EMCN: variants seen among roughly 807,000 people sequenced by gnomAD.
EMCN encodes endomucin.
Under a neutral mutation model 38.4 loss-of-function variants are expected in EMCN, and 37 were observed. That is an observed-to-expected ratio of 0.96 (90% CI 0.74 to 1.27). The LOEUF is 1.27. Among genes scored for constraint, EMCN ranks in the 50% most tolerant of loss-of-function variants. The pLI, the probability that EMCN is intolerant of heterozygous loss-of-function variation, is 0.00. For synonymous variants in EMCN, 95 were observed against 100.8 expected (o/e 0.94, Z 0.35); for missense variants, 318 against 302.8 (o/e 1.05, Z -0.37).
intron 1 of EMCN, among the ~76,000 whole-genome samples, chr4:100,503,450 C>T (rs1729401291): frequency 1.3e-5 from 2 of 152,116 alleles, no homozygotes; most frequent in South Asian, 4.1e-4. Context: ...TCACTTGTTT[C>T]TGCTCTCTTG....
At chr4:100,515,135 A>T (rs1729720562) in intron 1 of EMCN, among the ~76,000 whole-genome samples, 1 of 152,162 alleles carries the variant, frequency 6.6e-6, no homozygotes, top group Non-Finnish European at 1.5e-5. Flanking sequence ...GAATGCCTAC[A>T]ACATTTTAAT....
At chr4:100,415,761 T>C (rs947906139) in intron 10 of EMCN, 137 bp downstream of exon 10, 11 of 584,774 alleles carry the variant, frequency 1.9e-5, no homozygotes, top group Non-Finnish European at 3.0e-5. Flanking sequence ...TGGGAGAATT[T>C]TACACTTATT....
intron 5 of EMCN, among the ~76,000 whole-genome samples, chr4:100,426,446 C>T (rs1727048360): frequency 6.6e-6 from 1 of 152,160 alleles, no homozygotes; most frequent in Non-Finnish European, 1.5e-5. Flanking sequence ...CCCGTTCTCT[C>T]TCCCTATCAC....
At chr4:100,431,360 G>A (rs866643526) in intron 5 of EMCN, among the ~76,000 whole-genome samples, 3 of 152,306 alleles carry the variant, frequency 2.0e-5, no homozygotes, top group Middle Eastern at 3.4e-3. Flanking sequence ...TGTTGTGAGT[G>A]TGTCTGTTAG....
intron 11 of EMCN, among the ~76,000 whole-genome samples, chr4:100,399,722 G>A (rs941655108): frequency 5.9e-5 from 9 of 152,032 alleles, no homozygotes; most frequent in African/African-American, 2.2e-4. Flanking sequence ...AAGGTCAAGT[G>A]AGGGGTTCCT....
At chr4:100,479,268 T>A (rs71614659) in intron 2 of EMCN, among the ~76,000 whole-genome samples, 10,603 of 143,806 alleles carry the variant, frequency 0.074, 489 homozygotes, top group Non-Finnish European at 0.11. Context: ...AATCCACAAA[T>A]CTGTTTTCCA....
intron 10 of EMCN, among the ~76,000 whole-genome samples, chr4:100,411,601 A>G (rs7660905): frequency 0.046 from 7,023 of 152,208 alleles, 571 homozygotes; most frequent in African/African-American, 0.16. Context: ...AAAAAAATCC[A>G]GAGGGAAATA....
intron 4 of EMCN, among the ~76,000 whole-genome samples, chr4:100,449,702 A>G (rs936172297): frequency 1.2e-4 from 18 of 152,060 alleles, no homozygotes; most frequent in African/African-American, 4.3e-4. Context: ...GCCTTCAAAA[A>G]TGTGTAATAA....
chr4:100,448,749 C>T (rs1161204244), intron 4 of EMCN, among the ~76,000 whole-genome samples: 2 of 151,496 alleles, frequency 1.3e-5, no homozygotes, highest in Non-Finnish European at 1.5e-5. Flanking sequence ...CACCTCGTGG[C>T]TTTGCTGTGG....
intron 2 of EMCN, among the ~76,000 whole-genome samples, chr4:100,477,592 A>G (rs1728695653): frequency 6.6e-6 from 1 of 152,240 alleles, no homozygotes; most frequent in South Asian, 2.1e-4. Context: ...AATAAATTGT[A>G]TGTGATTTAG....
chr4:100,408,621 C>G (rs1437875180), intron 11 of EMCN, among the ~76,000 whole-genome samples: 2 of 152,168 alleles, frequency 1.3e-5, no homozygotes, highest in East Asian at 1.9e-4. Context: ...CATGCTTCCC[C>G]TCAGTGCTCT....
At chr4:100,418,491 TA>T (rs1360554631) in intron 8 of EMCN, among the ~76,000 whole-genome samples, 1 of 152,098 alleles carries the variant, frequency 6.6e-6, no homozygotes, top group African/African-American at 2.4e-5. Context: ...TACTAGGTTT[TA>T]CCCATACTTC....
intron 1 of EMCN, among the ~76,000 whole-genome samples, chr4:100,508,680 T>A (rs1468077368): frequency 6.6e-6 from 1 of 152,114 alleles, no homozygotes; most frequent in Non-Finnish European, 1.5e-5. Context: ...TCTATCCTAG[T>A]GGGGGTGGGG....
intron 11 of EMCN, among the ~76,000 whole-genome samples, chr4:100,401,376 A>C (rs1726257114): frequency 6.6e-6 from 1 of 152,192 alleles, no homozygotes. Flanking sequence ...ATCTAGAGAT[A>C]GTTTAAAGTA....
At chr4:100,464,081 C>T (rs987117147) in intron 4 of EMCN, among the ~76,000 whole-genome samples, 1 of 151,736 alleles carries the variant, frequency 6.6e-6, no homozygotes, top group Admixed American at 6.6e-5. Context: ...TAATTTCTCA[C>T]CAAAATAGTT....
chr4:100,439,623 T>C (rs1472820235), intron 5 of EMCN, among the ~76,000 whole-genome samples: 1 of 151,600 alleles, frequency 6.6e-6, no homozygotes, highest in Non-Finnish European at 1.5e-5. Context: ...ATTTTTCTGT[T>C]CTCTATTTAT....
chr4:100,406,382 T>C (rs1479830486), intron 11 of EMCN, among the ~76,000 whole-genome samples: 4 of 152,150 alleles, frequency 2.6e-5, no homozygotes, highest in Non-Finnish European at 5.9e-5. Flanking sequence ...TGCTATTAAC[T>C]TTTGTCTTAA....
At chr4:100,469,092 C>CA (rs1728401665) in intron 3 of EMCN, among the ~76,000 whole-genome samples, 2 of 151,926 alleles carry the variant, frequency 1.3e-5, no homozygotes, top group Non-Finnish European at 2.9e-5. Context: ...CATATATGGT[C>CA]AATTAATTTT....
intron 11 of EMCN, among the ~76,000 whole-genome samples, chr4:100,401,318 A>G (rs1726253825): frequency 6.6e-6 from 1 of 152,238 alleles, no homozygotes; most frequent in Admixed American, 6.5e-5. Context: ...GAAATATAGT[A>G]TAACAACTAT....
Sources: allele counts gnomAD v4.1 joint callset (sites outside exome capture counted in the v4.1 genomes callset), GRCh38; gene constraint gnomAD v4.1.1; transcripts MANE v1.5; gene names NCBI Gene and HGNC (gene_info 2026-07-23, HGNC 2026-07-21).